Variants in LAMB3 observed in about 807,000 individuals in gnomAD.
LAMB3 encodes the protein laminin subunit beta-3.
A neutral mutation model predicts 140.3 loss-of-function variants in LAMB3; 104 were observed. The observed-to-expected ratio is 0.74, with a 90% CI of 0.63 to 0.87. The LOEUF (loss-of-function observed/expected upper bound fraction) is 0.87. Ranked by LOEUF, LAMB3 falls within the 40% of genes least tolerant of loss-of-function variation. The pLI, the probability that LAMB3 is intolerant of heterozygous loss-of-function variation, is 0.00. For missense variants in LAMB3, 1,531 were observed against 1,575.2 expected (o/e 0.97, Z 0.47); for synonymous variants, 592 against 602.9 (o/e 0.98, Z 0.26).
chr1:209,618,538 C>T lies in LAMB3; in HGVS notation c.2823G>A (p.Arg941=), dbSNP rs377525360. The part of the protein sequence containing the change: ...KMNEIQAIAA[R]LPNVDLVLSQ... ...ACAGCACCAAGTCCACGTTGGGGAG[C>T]CTGGCTGCAATGGCCTGGATCTCAT... Residue 941 remains arginine, a synonymous_variant, in exon 19 of 23, where the codon AGG becomes AGA. Transcript: ENST00000356082. The T allele has an allele frequency of 6.2e-7, 1 of 1,614,272 alleles. No homozygotes were observed. Among genetic ancestry groups the T allele is most frequent in the Non-Finnish European group, 8.5e-7 (1 of 1,180,050 alleles).
At chr1:209,630,814 C>T in intron 8 of LAMB3, 79 bp from the exon 9 acceptor site, 1 of 1,511,548 alleles carries the variant, frequency 6.6e-7, no homozygotes, top group Non-Finnish European at 9.1e-7. Context: ...TGCCCTCTGA[C>T]CCTCTGCGCA....
At chr1:209,622,947 C>T in intron 17 of LAMB3, 35 bp downstream of exon 17, 1 of 1,608,550 alleles carries the variant, frequency 6.2e-7, no homozygotes, top group Middle Eastern at 2.1e-4. Flanking sequence ...TCTGCCTCCT[C>T]CTACCTGTGC....
rs374439528 is a variant in LAMB3, at chr1:209,638,196, CA to C, written c.299-216del. On this transcript the variant is annotated intron_variant, in intron 4 of 22. Transcript: ENST00000356082. ...TTTGGCTAAGTTTCCTTCCCACCAT[CA>C]CCTGATGTCTTCAATACTTTGGAGG... is the stretch of plus-strand genomic sequence containing the variant. Among the ~76,000 whole-genome samples the C allele has an allele frequency of 9.8e-5, 15 of 152,328 alleles. No individual in the cohort carries two copies. The East Asian group carries it at 2.3e-3, about 24-fold the overall frequency.
intron 3 of LAMB3, among the ~76,000 whole-genome samples, chr1:209,640,629 G>A (rs1304942963): frequency 6.6e-6 from 1 of 151,760 alleles, no homozygotes; most frequent in Non-Finnish European, 1.5e-5. Context: ...CCCTTGCCCT[G>A]TTATATTTTT....
At chr1:209,630,555 C>T in intron 9 of LAMB3, 60 bp downstream of exon 9, 1 of 1,602,194 alleles carries the variant, frequency 6.2e-7, no homozygotes, top group African/African-American at 1.3e-5. Context: ...ATCATCAAGG[C>T]CTAGAGGGGC....
chr1:209,618,344 C>T, intron 19 of LAMB3, 108 bp downstream of exon 19: 1 of 1,124,920 alleles, frequency 8.9e-7, no homozygotes, highest in Non-Finnish European at 1.3e-6. Context: ...ATGGTAAGCA[C>T]CCCCTCCTGT....
At position 209,616,338 on chromosome 1, in the gene LAMB3, A is replaced by G; in HGVS notation, c.3382+133T>C. 3 of 1,044,304 alleles carry G rather than the reference A, an allele frequency of 2.9e-6. No homozygotes were observed. In the South Asian group the frequency reaches 3.8e-5, roughly 13 times the overall value. The allele number at this position is 1,044,304 out of a possible 1,614,324, so 64.7% of individuals were successfully genotyped here. On this transcript the variant is annotated intron_variant, in intron 22 of 22. Coordinates refer to ENST00000356082, the MANE Select transcript of LAMB3 (RefSeq NM_000228.3). ...CCAGCCTCATACATGCTAGATGCCC[A>G]GAAAAAATCTCATTTGATCTCACTC... is the stretch of plus-strand genomic sequence containing the variant.
intron 19 of LAMB3, 57 bp from the exon 20 acceptor site, chr1:209,618,105 T>C: frequency 3.1e-6 from 5 of 1,606,954 alleles, no homozygotes; most frequent in Middle Eastern, 1.7e-4. Flanking sequence ...AGTGAATCAA[T>C]GTGTGGTTCG....
chr1:209,652,018 T>C (rs1439199826), intron 1 of LAMB3, among the ~76,000 whole-genome samples: 5 of 152,122 alleles, frequency 3.3e-5, no homozygotes, highest in Non-Finnish European at 5.9e-5. Context: ...CAGCTAACGA[T>C]GGCCTAAGAG....
chr1:209,617,384 T>C (rs372519975), intron 21 of LAMB3, 26 bp downstream of exon 21: 49 of 1,610,400 alleles, frequency 3.0e-5, no homozygotes, highest in Admixed American at 3.3e-5. Context: ...CCGTACATCA[T>C]TGAGCTAACT....
At chr1:209,628,379 C>T (rs1377060528) in intron 10 of LAMB3, among the ~76,000 whole-genome samples, 189 bp from the exon 11 acceptor site, 1 of 152,196 alleles carries the variant, frequency 6.6e-6, no homozygotes, top group East Asian at 1.9e-4. Context: ...AATGATACAG[C>T]CTTCATAGGC....
In LAMB3 at chr1:209,626,795, C is replaced by T. The variant is rs796539391; in HGVS notation, c.1597+72G>A. 1.1e-4 allele frequency: 121 copies of T among 1,080,530 alleles called. 1 individual carries two copies. Among genetic ancestry groups the T allele is most frequent in the Non-Finnish European group, 1.4e-4 (99 of 708,546 alleles). 66.9% of individuals were successfully genotyped at this position (1,080,530 alleles called of 1,614,324 possible). A position where few individuals can be genotyped will look rare whatever the true frequency, so the allele number is the denominator to read the frequency against. On this transcript the variant is annotated intron_variant, in intron 13 of 22. Transcript: ENST00000356082. ...CATCCTGCCCTGCTGCAGACCTACA[C>T]GCCCCCACCATGTGCCCACCCGCGT...
In LAMB3 at chr1:209,622,637, G is replaced by A. The variant is rs1403218313; in HGVS notation, c.2600C>T (p.Ala867Val). The change falls in exon 18 of 23, where the codon GCC (alanine) becomes GTC (valine). Residue 867 changes from alanine (A) to valine (V), a missense_variant. Physicochemically the swap from Ala to Val is moderately conservative, Grantham distance 64. Coordinates refer to ENST00000356082, the MANE Select transcript of LAMB3 (RefSeq NM_000228.3). Reference sequence around the variant, plus strand: ...GCTCACCTGGGTCTCCAAGCGCTGGGCACTGGATTGAATCTGTGAGGCAGA... The same window carrying A: ...GCTCACCTGGGTCTCCAAGCGCTGGACACTGGATTGAATCTGTGAGGCAGA... ...EESASQIQSS[A>V]QRLETQVSAS... is the part of the protein sequence containing the mutation. The A allele has an allele frequency of 6.2e-7, 1 of 1,614,140 alleles. No individual in the cohort carries two copies.
chr1:209,635,973 C>T (rs1212742717), intron 5 of LAMB3, among the ~76,000 whole-genome samples: 1 of 152,214 alleles, frequency 6.6e-6, no homozygotes, highest in East Asian at 1.9e-4. Flanking sequence ...GAATGCTCCT[C>T]CCGCTGGTGG....
At chr1:209,646,261 G>A (rs1488621861) in intron 3 of LAMB3, among the ~76,000 whole-genome samples, 1 of 152,154 alleles carries the variant, frequency 6.6e-6, no homozygotes, top group Non-Finnish European at 1.5e-5. Context: ...CGAAGGGCAT[G>A]GTGCAGCCCC....
intron 18 of LAMB3, among the ~76,000 whole-genome samples, chr1:209,620,348 G>A (rs1666142303): frequency 6.6e-6 from 1 of 152,182 alleles, no homozygotes; most frequent in Non-Finnish European, 1.5e-5. Context: ...GGCCATGGAA[G>A]GGGCCCCCAG....
chr1:209,643,351 C>T (rs1229949625), intron 3 of LAMB3, among the ~76,000 whole-genome samples: 1 of 152,220 alleles, frequency 6.6e-6, no homozygotes, highest in Non-Finnish European at 1.5e-5. Context: ...CTGCAGCTGC[C>T]TCCCTCTCTG....
At chr1:209,651,021 C>A (rs1021378705) in intron 1 of LAMB3, 40 bp from the exon 2 acceptor site, 1 of 1,305,344 alleles carries the variant, frequency 7.7e-7, no homozygotes, top group Non-Finnish European at 1.1e-6. Context: ...ACAGTGCAAA[C>A]CCCTAGAGCA....
At chr1:209,638,012 C>T (rs982847420) in intron 4 of LAMB3, 31 bp from the exon 5 acceptor site, 9 of 1,572,468 alleles carry the variant, frequency 5.7e-6, no homozygotes, top group Non-Finnish European at 7.8e-6. Context: ...AACTGTCATC[C>T]AGAGACTGTC....
Sources: allele counts gnomAD v4.1 joint callset (sites outside exome capture counted in the v4.1 genomes callset), GRCh38; gene constraint gnomAD v4.1.1; transcripts MANE v1.5; gene names NCBI Gene and HGNC (gene_info 2026-07-23, HGNC 2026-07-21).